Variants in OTULIN observed in about 807,000 individuals in gnomAD.
OTULIN encodes the protein OTU deubiquitinase with linear linkage specificity.
OTULIN carries 15 observed loss-of-function variants against 39.6 expected under a neutral mutation model. The ratio of observed to expected loss-of-function variants is 0.38; its 90% confidence interval spans 0.25 to 0.58. The LOEUF (loss-of-function observed/expected upper bound fraction) is 0.58. Ranked by LOEUF, OTULIN falls within the 20% of genes least tolerant of loss-of-function variation. The pLI, the probability that OTULIN is intolerant of heterozygous loss-of-function variation, is 0.66. For synonymous variants in OTULIN, 156 were observed against 170.3 expected, an observed-to-expected ratio of 0.92 and a Z score of 0.65; for missense variants, 319 against 445.9, an observed-to-expected ratio of 0.72 and a Z score of 2.56.
downstream of OTULIN, among the ~76,000 whole-genome samples, chr5:14,703,408 C>T (rs1736852148): frequency 6.7e-6 from 1 of 149,724 alleles, no homozygotes. Context: ...GAGAAATTCT[C>T]CACGATTTTT....
chr5:14,713,013 C>G, the OTULIN span: 2 of 1,575,530 alleles, frequency 1.3e-6, no homozygotes, highest in Non-Finnish European at 8.7e-7. The surrounding 1 kb of genome is among the most constrained non-coding windows in gnomAD (Gnocchi z 4.4). Context: ...CTGTTAAGGC[C>G]AAGTCAAGGC....
At chr5:14,711,935 T>TCC in the OTULIN span, among the ~76,000 whole-genome samples, 1 of 152,210 alleles carries the variant, frequency 6.6e-6, no homozygotes, top group Non-Finnish European at 1.5e-5. Context: ...AAGGACATTG[T>TCC]CCTCTGTCTG....
chr5:14,668,361 T>A (rs1365811967), intron 1 of OTULIN, among the ~76,000 whole-genome samples: 2 of 152,198 alleles, frequency 1.3e-5, no homozygotes, highest in Non-Finnish European at 2.9e-5. Flanking sequence ...GGAAGTCACA[T>A]GGAGTAGCAT....
rs375634456 is a variant in OTULIN at position 14,674,531 on chromosome 5, G to A, written c.229+813G>A. Among the ~76,000 whole-genome samples, 14 of 152,342 alleles carry A rather than the reference G, an allele frequency of 9.2e-5. 1 individual carries two copies. The highest frequency in any genetic ancestry group is 3.4e-4 in the African/African-American group (14 of 41,590). ...AGCACTTGGGGAGGCCGAGGCGGGC[G>A]GATTGCTTGAGTCCAGGAGTTCGAG... On this transcript the variant is annotated intron_variant, in intron 2 of 6. Coordinates refer to ENST00000284274, the MANE Select transcript of OTULIN (RefSeq NM_138348.6).
intron 1 of OTULIN, among the ~76,000 whole-genome samples, chr5:14,666,222 G>T (rs144417884): frequency 3.3e-3 from 500 of 152,314 alleles, no homozygotes; most frequent in African/African-American, 0.012. Flanking sequence ...TTTGAAGCCA[G>T]ACCATGTTCT....
At chr5:14,672,329 G>T (rs1397415774) in intron 1 of OTULIN, among the ~76,000 whole-genome samples, 2 of 152,134 alleles carry the variant, frequency 1.3e-5, no homozygotes, top group African/African-American at 2.4e-5. Context: ...AAAGGTTTTA[G>T]TGGGGACATG....
chr5:14,681,140 C>T (rs573004796), intron 3 of OTULIN, among the ~76,000 whole-genome samples: 12 of 152,208 alleles, frequency 7.9e-5, no homozygotes, highest in Admixed American at 2.6e-4. Flanking sequence ...ACACAAAGCA[C>T]CCCCGCCCCC....
At chr5:14,692,627 T>C (rs1454397039) in intron 6 of OTULIN, among the ~76,000 whole-genome samples, 2 of 152,182 alleles carry the variant, frequency 1.3e-5, no homozygotes. Context: ...AAAAGTTCTT[T>C]ATTCTGGATA....
chr5:14,677,302 C>T (rs755903526), intron 2 of OTULIN, among the ~76,000 whole-genome samples: 1 of 152,060 alleles, frequency 6.6e-6, no homozygotes, highest in Non-Finnish European at 1.5e-5. Flanking sequence ...ACCTTTTATC[C>T]CCAGTTCCTA....
At chr5:14,713,719 TCCTGCTG>T in the OTULIN span, 1 of 1,611,596 alleles carries the variant, frequency 6.2e-7, no homozygotes, top group Non-Finnish European at 8.5e-7. This position sits in a 1 kb window ranked among gnomAD's most constrained non-coding sequence, Gnocchi z 4.4. Flanking sequence ...CCACTCCCCA[TCCTGCTG>T]CCTCTGGACC....
the OTULIN span, among the ~76,000 whole-genome samples, chr5:14,715,067 C>T: frequency 4.6e-5 from 7 of 152,226 alleles, no homozygotes; most frequent in Admixed American, 6.5e-5. Flanking sequence ...AAAGTGACGC[C>T]GCAAGGCCTT....
At chr5:14,682,976 T>C (rs927734100) in intron 4 of OTULIN, among the ~76,000 whole-genome samples, 1 of 152,196 alleles carries the variant, frequency 6.6e-6, no homozygotes, top group Non-Finnish European at 1.5e-5. Context: ...GAGGAACTTG[T>C]TGACTAAGCT....
At position 14,698,925 on chromosome 5, in the gene OTULIN, T is replaced by TAA. The variant is rs1417727592; in HGVS notation, c.*5880_*5881dup. 8 of 152,358 alleles carry TAA rather than the reference T, an allele frequency of 5.3e-5. No individual in the cohort carries two copies. The East Asian group carries it at 1.5e-3, about 29-fold the overall frequency. The allele number at this position is 152,358 out of a possible 1,614,324, so 9.4% of individuals were successfully genotyped here. On this transcript the variant is annotated 3_prime_UTR_variant, in exon 7 of 7. Transcript: ENST00000284274. ...ATTCAACAGCATTCCCGCTGCCCAC[T>TAA]AAAAGGGTGGGCTTGGACAGTTCCT... is the stretch of plus-strand genomic sequence containing the variant.
intron 4 of OTULIN, among the ~76,000 whole-genome samples, chr5:14,683,903 G>T (rs949942514): frequency 1.3e-5 from 2 of 152,150 alleles, no homozygotes; most frequent in African/African-American, 4.8e-5. Context: ...GATATATTGG[G>T]TAAGATTATC....
Position 14,678,733 on chromosome 5 carries a change from A to G in OTULIN, c.282A>G (p.Lys94=). 1 of 1,610,474 alleles carries G rather than the reference A, an allele frequency of 6.2e-7. No individual in the cohort carries two copies. The highest frequency in any genetic ancestry group is 8.5e-7 in the Non-Finnish European group (1 of 1,178,698). ...PEMDIMDYCK[K]EWRGNTQKAT... is the part of the protein sequence containing the mutation. ...TGGATATCATGGACTACTGCAAAAA[A>G]GAATGGAGAGGAAATACACAGAAAG... Residue 94 remains lysine (K), a synonymous_variant, in exon 3 of 7, where the codon AAA becomes AAG. Transcript: ENST00000284274.
rs1354589533 is a variant in OTULIN at position 14,687,614 on chromosome 5, A to G, written c.562A>G (p.Ile188Val). 1 of 1,614,062 alleles carries G rather than the reference A, an allele frequency of 6.2e-7. No individual in the cohort carries two copies. ...GAAGAATGAGGACCTGGTTGATAAAATTAAAGAGTCCCTTACTCTGCTGAG... is the reference window on the plus strand; with the variant it reads ...GAAGAATGAGGACCTGGTTGATAAAGTTAAAGAGTCCCTTACTCTGCTGAG... ...DGKNEDLVDK[I>V]KESLTLLRKK... The change falls in exon 5 of 7, where the codon ATT becomes GTT. Residue 188 changes from isoleucine to valine, a missense_variant. Around this residue, in one of 4 missense-constraint regions of OTULIN, gnomAD observed 54 missense variants for 50.7 expected, o/e 1.07. Transcript: ENST00000284274.
At chr5:14,669,150 GA>G (rs1735921590) in intron 1 of OTULIN, among the ~76,000 whole-genome samples, 2 of 152,012 alleles carry the variant, frequency 1.3e-5, no homozygotes, top group Non-Finnish European at 2.9e-5. Flanking sequence ...GATCACCTCA[GA>G]GTCAGGAGTT....
chr5:14,702,249 AG>A (rs1415109235), downstream of OTULIN, among the ~76,000 whole-genome samples: 1 of 152,132 alleles, frequency 6.6e-6, no homozygotes, highest in Non-Finnish European at 1.5e-5. Context: ...AAAATGTGGA[AG>A]GGGTAAGGAA....
Position 14,696,443 on chromosome 5 carries a change from C to G in OTULIN, c.*3395C>G, listed in dbSNP as rs1229288834. The G allele has an allele frequency of 6.6e-6, 1 of 152,150 alleles. No individual in the cohort carries two copies. Among genetic ancestry groups the G allele is most frequent in the Non-Finnish European group, 1.5e-5 (1 of 68,042 alleles). 9.4% of individuals were successfully genotyped at this position (152,150 alleles called of 1,614,324 possible). A position where few individuals can be genotyped will look rare whatever the true frequency, so the allele number is the denominator to read the frequency against. ...TAAAAGAAATGCATTTATGTAAGAT[C>G]TGTGAGTACTTAAAAAGAAAGCCCT... is the stretch of plus-strand genomic sequence containing the variant. On this transcript the variant is annotated 3_prime_UTR_variant, in exon 7 of 7. Coordinates refer to ENST00000284274, the MANE Select transcript of OTULIN (RefSeq NM_138348.6).
Sources: gnomAD v4.1 joint callset for allele counts (sites outside exome capture counted in the v4.1 genomes callset) on GRCh38, gnomAD v4.1.1 for gene constraint, gnomAD v4.1.1 regional missense constraint, Gnocchi (gnomAD v3.1) non-coding constraint, MANE v1.5 for transcripts, NCBI Gene and HGNC (gene_info 2026-07-23, HGNC 2026-07-21) for gene names.